PDK3: variants seen among roughly 807,000 people sequenced by gnomAD.
PDK3 encodes pyruvate dehydrogenase kinase, isozyme 3.
PDK3 carries 12 observed loss-of-function variants against 32.0 expected under a neutral mutation model. The observed-to-expected ratio is 0.37, with a 90% CI of 0.24 to 0.61. The LOEUF is 0.61. PDK3 is among the 20% of genes least tolerant of loss of function. PDK3 has a pLI of 0.65. For missense variants in PDK3, 188 were observed against 316.9 expected (o/e 0.59, Z 3.09); for synonymous variants, 122 against 116.3 (o/e 1.05, Z -0.31).
At chrX:24,526,460 A>G (rs190921661) in intron 7 of PDK3, among the ~76,000 whole-genome samples, 186 bp downstream of exon 7, 17 of 112,181 alleles carry the variant, frequency 1.5e-4, no homozygotes, top group African/African-American at 4.5e-4. Context: ...TGTGTACACT[A>G]TAGTTTTTGT....
chrX:24,504,811 G>A (rs1921942810), intron 4 of PDK3, among the ~76,000 whole-genome samples: 1 of 112,206 alleles, frequency 8.9e-6, no homozygotes, highest in Admixed American at 9.5e-5. Flanking sequence ...TTGTCCAAAT[G>A]GTATAGACCA....
chrX:24,466,749 G>A (rs897124332), intron 1 of PDK3, among the ~76,000 whole-genome samples: 1 of 111,747 alleles, frequency 8.9e-6, no homozygotes, highest in African/African-American at 3.3e-5. Context: ...TCAATGACAC[G>A]TTGATTTCTG....
At chrX:24,506,623 G>A (rs5986295) in intron 5 of PDK3, among the ~76,000 whole-genome samples, 44,479 of 108,422 alleles carry the variant, frequency 0.41, 6,682 homozygotes, top group South Asian at 0.52. Context: ...AATATTCCTT[G>A]GTTTGATACA....
intron 1 of PDK3, among the ~76,000 whole-genome samples, chrX:24,490,276 T>C (rs1921519857): frequency 8.9e-6 from 1 of 111,800 alleles, no homozygotes; most frequent in Non-Finnish European, 1.9e-5. Context: ...CTGCCTCTGG[T>C]TTAAATGTTA....
intron 1 of PDK3, among the ~76,000 whole-genome samples, chrX:24,491,903 T>G (rs1250029465): frequency 9.0e-6 from 1 of 111,712 alleles, no homozygotes; most frequent in Non-Finnish European, 1.9e-5. Flanking sequence ...ACCACTGCAC[T>G]GCAGCCTGGG....
chrX:24,487,782 C>A (rs1921441299), intron 1 of PDK3, among the ~76,000 whole-genome samples: 1 of 109,645 alleles, frequency 9.1e-6, no homozygotes, highest in South Asian at 3.9e-4. Context: ...TAAAGCTGAA[C>A]AATGGACAAA....
intron 5 of PDK3, among the ~76,000 whole-genome samples, chrX:24,508,706 T>G (rs949668568): frequency 3.6e-5 from 4 of 111,260 alleles, no homozygotes; most frequent in Non-Finnish European, 7.5e-5. Flanking sequence ...GGCCTTGTCA[T>G]TATTTGTACT....
At chrX:24,526,801 C>G (rs921310388) in intron 7 of PDK3, among the ~76,000 whole-genome samples, 5 of 111,390 alleles carry the variant, frequency 4.5e-5, no homozygotes, top group Non-Finnish European at 5.7e-5. Flanking sequence ...ACCCCTCCCC[C>G]CCACCAAATT....
At chrX:24,519,976 T>TA (rs1261920732) in intron 6 of PDK3, among the ~76,000 whole-genome samples, 1 of 112,030 alleles carries the variant, frequency 8.9e-6, no homozygotes, top group African/African-American at 3.2e-5. Context: ...GTGGATCTCT[T>TA]GAGTCCAGGA....
Position 24,465,347 on chromosome X carries a change from G to T in PDK3, c.-109G>T, listed in dbSNP as rs988653654. 4.2e-6 allele frequency: 2 copies of T among 481,657 alleles called. No homozygotes were observed. The highest frequency in any genetic ancestry group is 6.4e-6 in the Non-Finnish European group (2 of 313,401). 39.7% of individuals were successfully genotyped at this position (481,657 alleles called of 1,213,427 possible). The stretch of plus-strand genomic sequence containing the variant: ...CACCGGCGGCGCCGAGGCCGAGATC[G>T]AGGCCGGGGTGCGCGCTTCGCAAAC... On this transcript the variant is annotated 5_prime_UTR_variant, in exon 1 of 11. Transcript: ENST00000379162.
chrX:24,517,171 A>G (rs1288727887), intron 5 of PDK3, among the ~76,000 whole-genome samples: 2 of 111,854 alleles, frequency 1.8e-5, no homozygotes, highest in Non-Finnish European at 3.8e-5. Flanking sequence ...TAAAAAGTAA[A>G]TTACCAAAAG....
chrX:24,518,376 G>A (rs1320722955), intron 5 of PDK3, among the ~76,000 whole-genome samples: 2 of 111,764 alleles, frequency 1.8e-5, no homozygotes, highest in African/African-American at 3.3e-5. Flanking sequence ...CCAGCTACTC[G>A]GGAGGCTGAG....
intron 3 of PDK3, 66 bp downstream of exon 3, chrX:24,498,966 T>C: frequency 1.5e-6 from 1 of 664,922 alleles, no homozygotes; most frequent in Non-Finnish European, 2.3e-6. Context: ...GTAAATGTAA[T>C]TCAAGTCATT....
intron 7 of PDK3, among the ~76,000 whole-genome samples, chrX:24,526,951 A>G (rs1157264973): frequency 8.9e-6 from 1 of 112,637 alleles, no homozygotes; most frequent in Non-Finnish European, 1.9e-5. Flanking sequence ...GAACACCTGA[A>G]AAATCAGTTA....
At chrX:24,521,059 T>C (rs774009531) in intron 6 of PDK3, among the ~76,000 whole-genome samples, 1 of 110,670 alleles carries the variant, frequency 9.0e-6, no homozygotes, top group Admixed American at 9.6e-5. Context: ...CAGGAGAATC[T>C]CTTGAGCCCA....
chrX:24,484,635 G>C (rs934658829), intron 1 of PDK3, among the ~76,000 whole-genome samples: 1 of 112,127 alleles, frequency 8.9e-6, no homozygotes, highest in Admixed American at 9.5e-5. Flanking sequence ...AATCACCTTC[G>C]TACCCCCTTT....
At chrX:24,500,877 C>T (rs1008580136) in intron 3 of PDK3, among the ~76,000 whole-genome samples, 1 of 111,566 alleles carries the variant, frequency 9.0e-6, no homozygotes, top group South Asian at 3.8e-4. Context: ...AGGTAAGTCT[C>T]CCCACTTCAG....
chrX:24,527,322 A>G (rs1402819584), intron 7 of PDK3, among the ~76,000 whole-genome samples: 1 of 110,258 alleles, frequency 9.1e-6, no homozygotes, highest in Non-Finnish European at 1.9e-5. Flanking sequence ...GAAGAAGAAG[A>G]AGGAAAGAAA....
At chrX:24,514,189 G>A (rs900203336) in intron 5 of PDK3, among the ~76,000 whole-genome samples, 1 of 112,201 alleles carries the variant, frequency 8.9e-6, no homozygotes, top group South Asian at 3.6e-4. Flanking sequence ...TTCTTAAAAC[G>A]GATTCATGGC....
Sources: gnomAD v4.1 joint callset for allele counts (sites outside exome capture counted in the v4.1 genomes callset) on GRCh38, gnomAD v4.1.1 for gene constraint, MANE v1.5 for transcripts, NCBI Gene and HGNC (gene_info 2026-07-23, HGNC 2026-07-21) for gene names.